Variants in CACNA1A observed in about 807,000 individuals in gnomAD.
CACNA1A encodes calcium voltage-gated channel subunit alpha1 A, also known as voltage-dependent P/Q-type calcium channel subunit alpha-1A.
CACNA1A carries 57 observed loss-of-function variants against 262.4 expected under a neutral mutation model. The ratio of observed to expected loss-of-function variants is 0.22; its 90% confidence interval spans 0.18 to 0.27. CACNA1A has a LOEUF of 0.27. Ranked by LOEUF, CACNA1A falls within the 10% of genes least tolerant of loss-of-function variation. CACNA1A has a pLI of 1.00. For missense variants in CACNA1A, 2,526 were observed against 3,562.8 expected (o/e 0.71, Z 7.41); for synonymous variants, 1,431 against 1,419.3 (o/e 1.01, Z -0.18).
At chr19:13,225,946 C>T (rs1327287330) in intron 37 of CACNA1A, 3 of 152,076 alleles carry the variant, frequency 2.0e-5, no homozygotes, top group Non-Finnish European at 4.4e-5. Flanking sequence ...CCCGTCTCAG[C>T]CTCCCAAAGC....
intron 3 of CACNA1A, among the ~76,000 whole-genome samples, chr19:13,395,170 A>T (rs947668286): frequency 6.6e-6 from 1 of 151,226 alleles, no homozygotes; most frequent in South Asian, 2.1e-4. Context: ...GCTACTTGGA[A>T]GGCTGAGGCA....
chr19:13,469,824 C>T (rs915629723), intron 1 of CACNA1A, among the ~76,000 whole-genome samples: 2 of 151,960 alleles, frequency 1.3e-5, no homozygotes, highest in African/African-American at 4.8e-5. Flanking sequence ...AACGTCCATC[C>T]CATCGAGCCC....
intron 3 of CACNA1A, 64 bp from the exon 4 acceptor site, chr19:13,371,843 G>A (rs1568581546): frequency 2.5e-6 from 3 of 1,198,550 alleles, no homozygotes; most frequent in East Asian, 2.5e-5. Context: ...AGCAGGGCGG[G>A]GGTGCTTGGG....
chr19:13,412,989 G>A (rs372073833), intron 3 of CACNA1A, among the ~76,000 whole-genome samples: 2 of 152,108 alleles, frequency 1.3e-5, no homozygotes, highest in East Asian at 1.9e-4. Flanking sequence ...GGGGGCTCAC[G>A]CCTGTAATCC....
At chr19:13,503,779 G>C (rs1325598920) in intron 1 of CACNA1A, among the ~76,000 whole-genome samples, 2 of 151,984 alleles carry the variant, frequency 1.3e-5, no homozygotes, top group African/African-American at 4.8e-5. Flanking sequence ...GGGTCAAAGA[G>C]AACAAAAACA....
intron 3 of CACNA1A, among the ~76,000 whole-genome samples, chr19:13,376,923 T>A (rs1016714010): frequency 2.1e-5 from 3 of 143,810 alleles, no homozygotes; most frequent in African/African-American, 7.5e-5. Flanking sequence ...ATTACATATA[T>A]GTTATATATA....
chr19:13,340,373 T>C (rs1403131255), intron 6 of CACNA1A, among the ~76,000 whole-genome samples: 1 of 151,646 alleles, frequency 6.6e-6, no homozygotes, highest in African/African-American at 2.4e-5. Context: ...GGAGTGGGTA[T>C]ATAATTATCC....
At chr19:13,500,489 C>T (rs987919101) in intron 1 of CACNA1A, among the ~76,000 whole-genome samples, 2 of 152,228 alleles carry the variant, frequency 1.3e-5, no homozygotes, top group South Asian at 2.1e-4. Flanking sequence ...ATTACTTCCA[C>T]TCCTTTCCAT....
intron 1 of CACNA1A, among the ~76,000 whole-genome samples, chr19:13,466,453 G>A (rs752761050): frequency 2.0e-5 from 3 of 151,712 alleles, no homozygotes; most frequent in Non-Finnish European, 4.4e-5. Context: ...CTATTCTCGT[G>A]CCTCAGCCTC....
At chr19:13,297,231 G>C (rs72995505) in intron 19 of CACNA1A, among the ~76,000 whole-genome samples, 23,368 of 152,156 alleles carry the variant, frequency 0.15, 1,865 homozygotes, top group Middle Eastern at 0.18. Flanking sequence ...AAGTCACTTT[G>C]CAAAAGTCAC....
chr19:13,487,101 C>T lies in CACNA1A; in HGVS notation c.293+18831G>A, dbSNP rs368581773. On this transcript the variant is annotated intron_variant, in intron 1 of 46. Coordinates refer to ENST00000360228, the MANE Select transcript of CACNA1A (RefSeq NM_001127222.2). ...CCCAGCTCCAGCATGGACCTGTGGG[C>T]CGCCTGCCACTCTCTCCCCATCATT... Among the ~76,000 whole-genome samples the T allele has an allele frequency of 2.0e-5, 3 of 152,210 alleles. No individual in the cohort carries two copies. In the East Asian group the frequency reaches 5.8e-4, roughly 29 times the overall value.
intron 3 of CACNA1A, among the ~76,000 whole-genome samples, chr19:13,399,743 C>T (rs7259944): frequency 0.21 from 31,622 of 152,082 alleles, 7,686 homozygotes; most frequent in African/African-American, 0.58. Flanking sequence ...CCCACAAAGC[C>T]CAGGCTCTCC....
At chr19:13,285,334 C>A (rs2057376047) in intron 20 of CACNA1A, 128 bp from the exon 21 acceptor site, 2 of 874,618 alleles carry the variant, frequency 2.3e-6, no homozygotes, top group Non-Finnish European at 3.5e-6. Flanking sequence ...ATATACCAGG[C>A]ATCTTATGAC....
chr19:13,251,211 C>T (rs932262115), intron 30 of CACNA1A, among the ~76,000 whole-genome samples: 14 of 151,438 alleles, frequency 9.2e-5, no homozygotes, highest in East Asian at 3.9e-4. Flanking sequence ...AGGCCGGGTG[C>T]GGTGGCTCCC....
At chr19:13,434,651 G>T (rs539751003) in intron 3 of CACNA1A, among the ~76,000 whole-genome samples, 18 of 152,168 alleles carry the variant, frequency 1.2e-4, no homozygotes, top group African/African-American at 4.1e-4. Flanking sequence ...TTTACCTTCT[G>T]CCATGATTGT....
chr19:13,223,262 C>T (rs992862760), intron 38 of CACNA1A, among the ~76,000 whole-genome samples: 5 of 151,734 alleles, frequency 3.3e-5, no homozygotes, highest in East Asian at 2.0e-4. Flanking sequence ...GGCGTGATCT[C>T]GGCTCACTGC....
intron 37 of CACNA1A, 60 bp downstream of exon 37, chr19:13,227,371 A>T (rs1382704906): frequency 8.1e-6 from 6 of 736,672 alleles, no homozygotes; most frequent in Admixed American, 4.6e-5. Context: ...AAAAAAAAGA[A>T]GAAGAAGAAG....
At chr19:13,334,039 A>T in intron 8 of CACNA1A, 1 of 221,916 alleles carries the variant, frequency 4.5e-6, no homozygotes, top group East Asian at 1.0e-4. Flanking sequence ...ATACTCCAAT[A>T]GTACTATGAC....
rs115355438 is a variant in CACNA1A, at chr19:13,431,853, T to A, written c.539+21023A>T. Among the ~76,000 whole-genome samples, 575 of 151,550 alleles carry A rather than the reference T, an allele frequency of 3.8e-3. 2 individuals carry two copies. The highest frequency in any genetic ancestry group is 0.013 in the African/African-American group (537 of 41,316). On this transcript the variant is annotated intron_variant, in intron 3 of 46. Transcript: ENST00000360228. The stretch of plus-strand genomic sequence containing the variant: ...TGAGGCCGGGCGTGGTGGCCCATAA[T>A]CCCATCACTTTGGAAGCCCGAGGCA...
Sources: allele counts gnomAD v4.1 joint callset (sites outside exome capture counted in the v4.1 genomes callset), GRCh38; gene constraint gnomAD v4.1.1; transcripts MANE v1.5; gene names NCBI Gene and HGNC (gene_info 2026-07-23, HGNC 2026-07-21).